TTC28: variants seen among roughly 807,000 people sequenced by gnomAD.
TTC28 encodes tetratricopeptide repeat domain 28.
A neutral mutation model predicts 198.0 loss-of-function variants in TTC28; 61 were observed. The observed-to-expected ratio is 0.31, with a 90% CI of 0.25 to 0.38. The LOEUF (loss-of-function observed/expected upper bound fraction) is 0.38. Among genes scored for constraint, TTC28 ranks in the 10% least tolerant of loss-of-function variants. The pLI, the probability that TTC28 is intolerant of heterozygous loss-of-function variation, is 1.00. For synonymous variants in TTC28, 1,171 were observed against 1,297.8 expected, an observed-to-expected ratio of 0.90 and a Z score of 2.10; for missense variants, 2,678 against 3,164.0, an observed-to-expected ratio of 0.85 and a Z score of 3.69.
intron 5 of TTC28, among the ~76,000 whole-genome samples, chr22:28,276,502 C>T (rs1932441060): frequency 6.6e-6 from 1 of 152,166 alleles, no homozygotes; most frequent in South Asian, 2.1e-4. Context: ...AGTTATGCTA[C>T]TGCCAAATAT....
chr22:28,330,860 G>A (rs988834100), intron 2 of TTC28, among the ~76,000 whole-genome samples: 1 of 152,142 alleles, frequency 6.6e-6, no homozygotes, highest in Non-Finnish European at 1.5e-5. Flanking sequence ...AAGAACAAGT[G>A]CATGTAAAAA....
At chr22:28,522,810 T>C (rs1204600085) in intron 2 of TTC28, among the ~76,000 whole-genome samples, 1 of 151,962 alleles carries the variant, frequency 6.6e-6, no homozygotes, top group Non-Finnish European at 1.5e-5. Flanking sequence ...ATGTAAAAAG[T>C]CCAGAATAGG....
chr22:28,413,666 T>C (rs2146143487), intron 2 of TTC28, among the ~76,000 whole-genome samples: 1 of 152,232 alleles, frequency 6.6e-6, no homozygotes, highest in East Asian at 1.9e-4. Context: ...TGCCTTACAT[T>C]TAAAAACACT....
chr22:28,077,866 C>T (rs991055225), intron 12 of TTC28, among the ~76,000 whole-genome samples: 1 of 152,170 alleles, frequency 6.6e-6, no homozygotes, highest in Non-Finnish European at 1.5e-5. Flanking sequence ...GTGAGTGCTC[C>T]TTCCAGACCT....
chr22:28,333,183 TTTGC>T (rs1363796831), intron 2 of TTC28, among the ~76,000 whole-genome samples: 1 of 152,124 alleles, frequency 6.6e-6, no homozygotes, highest in African/African-American at 2.4e-5. Context: ...CAGATTTTCT[TTTGC>T]TTATTTCAAA....
chr22:28,384,824 G>C (rs1326076932), intron 2 of TTC28, among the ~76,000 whole-genome samples: 2 of 152,074 alleles, frequency 1.3e-5, no homozygotes, highest in Non-Finnish European at 2.9e-5. Context: ...CATTTCCTAA[G>C]TAGAAAGATG....
chr22:27,993,528 A>G lies in TTC28; in HGVS notation c.5245-10T>C. 1.2e-5 allele frequency: 18 copies of G among 1,534,784 alleles called. No individual in the cohort carries two copies. The highest frequency in any genetic ancestry group is 1.6e-5 in the Non-Finnish European group (18 of 1,135,652). ...GCAGGGATTTCTCCACCTGAGGGGG[A>G]ATTGGGGGTGAGTCAGAGACCCAGG... On this transcript the variant is annotated splice_polypyrimidine_tract_variant and intron_variant, in intron 17 of 22. Coordinates refer to ENST00000397906, the MANE Select transcript of TTC28 (RefSeq NM_001145418.2).
intron 21 of TTC28, among the ~76,000 whole-genome samples, chr22:27,987,552 C>T (rs888490260): frequency 2.0e-5 from 3 of 152,064 alleles, no homozygotes; most frequent in Admixed American, 6.5e-5. Context: ...GGTAACATGG[C>T]GAACCCCTGT....
chr22:28,151,100 A>G (rs1943597142), intron 6 of TTC28, among the ~76,000 whole-genome samples: 1 of 152,222 alleles, frequency 6.6e-6, no homozygotes, highest in African/African-American at 2.4e-5. Context: ...TCATTTGTGT[A>G]AAGAAGAAAA....
intron 2 of TTC28, among the ~76,000 whole-genome samples, chr22:28,567,129 A>C (rs2049981985): frequency 1.3e-5 from 2 of 150,982 alleles, no homozygotes; most frequent in African/African-American, 4.9e-5. Context: ...GCAAGAGAAT[A>C]GCTTGAACCC....
At position 28,216,846 on chromosome 22, in the gene TTC28, C is replaced by T. The variant is rs574372424; in HGVS notation, c.934-53247G>A. Among the ~76,000 whole-genome samples, 7 of 152,166 alleles carry T rather than the reference C, an allele frequency of 4.6e-5. 1 individual carries two copies. In the South Asian group the frequency reaches 8.3e-4, roughly 18 times the overall value. ...AAGTGATCCTCCCACCTCAGCCTTC[C>T]GAGTAGCTCAGATCACAGGCGCATG... is the stretch of plus-strand genomic sequence containing the variant. On this transcript the variant is annotated intron_variant, in intron 5 of 22. Coordinates refer to ENST00000397906, the MANE Select transcript of TTC28 (RefSeq NM_001145418.2).
intron 2 of TTC28, among the ~76,000 whole-genome samples, chr22:28,411,455 C>T (rs1041301779): frequency 2.6e-5 from 4 of 152,114 alleles, no homozygotes; most frequent in African/African-American, 7.2e-5. Flanking sequence ...TTCAGAAGAA[C>T]GTTCTTATCC....
intron 2 of TTC28, among the ~76,000 whole-genome samples, chr22:28,442,465 C>A (rs1019657149): frequency 1.3e-5 from 2 of 152,216 alleles, no homozygotes; most frequent in East Asian, 3.9e-4. Flanking sequence ...AGCCTTTTAA[C>A]CCCTTGGGGA....
intron 12 of TTC28, among the ~76,000 whole-genome samples, chr22:28,045,628 A>C (rs1241171294): frequency 6.6e-6 from 1 of 152,198 alleles, no homozygotes; most frequent in Admixed American, 6.5e-5. Flanking sequence ...TTTACCTAAG[A>C]ATTAGACACA....
chr22:28,605,159 T>C lies in TTC28; in HGVS notation c.381+24393A>G, dbSNP rs540648109. 3.3e-5 allele frequency among the ~76,000 whole-genome samples: 5 copies of C among 152,296 alleles called. No homozygotes were observed. The South Asian group carries it at 8.3e-4, about 25-fold the overall frequency. ...TGAATCACTTCCTAAGGACACAGCA[T>C]CCATCTTAAAGTAGTTGTTTCTATC... On this transcript the variant is annotated intron_variant, in intron 2 of 22. Transcript: ENST00000397906.
At chr22:28,636,556 ACTT>A (rs2051275657) in intron 1 of TTC28, among the ~76,000 whole-genome samples, 1 of 152,218 alleles carries the variant, frequency 6.6e-6, no homozygotes, top group Admixed American at 6.5e-5. Flanking sequence ...CTTCAAGATT[ACTT>A]CAAGATAGTA....
intron 2 of TTC28, among the ~76,000 whole-genome samples, chr22:28,615,516 ACTATTC>A (rs2050889730): frequency 1.3e-5 from 2 of 152,206 alleles, no homozygotes; most frequent in Admixed American, 6.5e-5. Flanking sequence ...TTATTGCAGC[ACTATTC>A]ACAATAGCAA....
At chr22:28,604,418 A>G (rs1302862687) in intron 2 of TTC28, among the ~76,000 whole-genome samples, 1 of 150,834 alleles carries the variant, frequency 6.6e-6, no homozygotes, top group Non-Finnish European at 1.5e-5. Context: ...AGACTCTGGA[A>G]ACTCCTGGGA....
chr22:28,592,252 G>A (rs1424957989), intron 2 of TTC28, among the ~76,000 whole-genome samples: 1 of 152,134 alleles, frequency 6.6e-6, no homozygotes, highest in East Asian at 1.9e-4. Context: ...TTGGGAGGCT[G>A]AGGAGGGAGG....
Sources: gnomAD v4.1 joint callset for allele counts (sites outside exome capture counted in the v4.1 genomes callset) on GRCh38, gnomAD v4.1.1 for gene constraint, MANE v1.5 for transcripts, NCBI Gene and HGNC (gene_info 2026-07-23, HGNC 2026-07-21) for gene names.